Variants in FNIP1 observed in about 807,000 individuals in gnomAD.
FNIP1 encodes the protein folliculin interacting protein 1.
A neutral mutation model predicts 124.5 loss-of-function variants in FNIP1; 40 were observed. That is an observed-to-expected ratio of 0.32 (90% CI 0.25 to 0.42). The LOEUF (loss-of-function observed/expected upper bound fraction) is 0.42. Among genes scored for constraint, FNIP1 ranks in the 10% least tolerant of loss-of-function variants. The pLI, the probability that FNIP1 is intolerant of heterozygous loss-of-function variation, is 1.00. For synonymous variants in FNIP1, 472 were observed against 470.6 expected (o/e 1.00, Z -0.04); for missense variants, 1,176 against 1,403.7 (o/e 0.84, Z 2.59).
At chr5:131,708,418 T>A (rs537861996) in intron 8 of FNIP1, among the ~76,000 whole-genome samples, 15 of 152,340 alleles carry the variant, frequency 9.8e-5, no homozygotes, top group African/African-American at 3.6e-4. Flanking sequence ...TCCTTTTACT[T>A]ATGCTGCTCT....
At chr5:131,647,763 C>A (rs1195119892) in intron 16 of FNIP1, among the ~76,000 whole-genome samples, 1 of 152,126 alleles carries the variant, frequency 6.6e-6, no homozygotes, top group African/African-American at 2.4e-5. Flanking sequence ...GTGTGAGCCA[C>A]CATGTCCAGC....
chr5:131,716,450 G>T, intron 6 of FNIP1, 115 bp downstream of exon 6: 1 of 596,284 alleles, frequency 1.7e-6, no homozygotes, highest in South Asian at 2.6e-5. Context: ...TCCACTTACA[G>T]TATTTGAAAT....
At chr5:131,715,041 TAA>T (rs1310641941) in intron 6 of FNIP1, among the ~76,000 whole-genome samples, 1 of 152,218 alleles carries the variant, frequency 6.6e-6, no homozygotes, top group Non-Finnish European at 1.5e-5. Context: ...GATTCACAAT[TAA>T]AAGAGTGCAA....
chr5:131,670,408 T>C, intron 15 of FNIP1, 55 bp downstream of exon 15: 1 of 1,443,880 alleles, frequency 6.9e-7, no homozygotes, highest in Non-Finnish European at 9.2e-7. Context: ...TTTTGGGTTC[T>C]GCTGCTTAAC....
chr5:131,687,959 C>T (rs1768336624), intron 11 of FNIP1, among the ~76,000 whole-genome samples: 1 of 152,196 alleles, frequency 6.6e-6, no homozygotes, highest in African/African-American at 2.4e-5. Context: ...GTCTGCCCTC[C>T]AAATAAAACT....
chr5:131,792,160 C>CT (rs1236842478), intron 1 of FNIP1, among the ~76,000 whole-genome samples: 18,745 of 137,172 alleles, frequency 0.14, 2,251 homozygotes, highest in African/African-American at 0.32. Flanking sequence ...ATAACTGGCA[C>CT]TTTTTTTTTT....
At chr5:131,648,034 G>A (rs910929150) in intron 16 of FNIP1, among the ~76,000 whole-genome samples, 1 of 151,760 alleles carries the variant, frequency 6.6e-6, no homozygotes, top group African/African-American at 2.4e-5. Flanking sequence ...CTGAAAGACT[G>A]AAAATTAAAA....
chr5:131,732,973 C>T (rs1291388566), intron 2 of FNIP1, among the ~76,000 whole-genome samples: 1 of 152,078 alleles, frequency 6.6e-6, no homozygotes, highest in Non-Finnish European at 1.5e-5. Context: ...ATGGAATGTT[C>T]TTCCATTTGT....
chr5:131,678,830 C>A (rs866522661), intron 12 of FNIP1, among the ~76,000 whole-genome samples, 199 bp downstream of exon 12: 3 of 152,004 alleles, frequency 2.0e-5, no homozygotes, highest in Non-Finnish European at 4.4e-5. Context: ...TACATAATTA[C>A]AGACATTTTC....
At chr5:131,748,971 C>A (rs1770777893) in intron 1 of FNIP1, among the ~76,000 whole-genome samples, 1 of 151,764 alleles carries the variant, frequency 6.6e-6, no homozygotes, top group South Asian at 2.1e-4. Context: ...TGTAGGCCTA[C>A]GTTAATGGTG....
At chr5:131,783,965 G>A (rs1405613693) in intron 1 of FNIP1, among the ~76,000 whole-genome samples, 1 of 150,886 alleles carries the variant, frequency 6.6e-6, no homozygotes, top group Non-Finnish European at 1.5e-5. Flanking sequence ...AATCCAAAGA[G>A]GAAGAAGCCA....
intron 1 of FNIP1, among the ~76,000 whole-genome samples, chr5:131,766,433 T>A (rs1448640689): frequency 1.3e-5 from 2 of 152,140 alleles, no homozygotes; most frequent in Non-Finnish European, 2.9e-5. Flanking sequence ...CAATCTACAA[T>A]TCAGTTGAAT....
chr5:131,693,319 CAT>C (rs1339116049), intron 11 of FNIP1, among the ~76,000 whole-genome samples: 5 of 41,626 alleles, frequency 1.2e-4, no homozygotes, highest in South Asian at 8.2e-4. Flanking sequence ...TATATATACA[CAT>C]ATATATATAT....
chr5:131,720,467 G>A (rs1371836136), intron 3 of FNIP1, among the ~76,000 whole-genome samples: 1 of 151,916 alleles, frequency 6.6e-6, no homozygotes, highest in Non-Finnish European at 1.5e-5. Context: ...CCAAAGCACA[G>A]GTAACAACAG....
Position 131,731,029 on chromosome 5 carries a change from T to G in FNIP1, c.229A>C (p.Ser77Arg), listed in dbSNP as rs1770069952. The change falls in exon 3 of 18, where the codon AGT becomes CGT. Residue 77 changes from serine to arginine, a missense_variant. Around this residue, in one of 2 missense-constraint regions of FNIP1, gnomAD observed 1,109 missense variants for 1,288.5 expected, o/e 0.86. Coordinates refer to ENST00000510461, the MANE Select transcript of FNIP1 (RefSeq NM_133372.3). ...CCAAAGACTTTAACTTGAGCATCAC[T>G]GCCGAGTTTCTGAAATAACAGATAT... ...NEDISVSKLGSDAQVKVFGKC... is the reference protein window; with the variant it reads ...NEDISVSKLGRDAQVKVFGKC... 6.2e-7 allele frequency: 1 copy of G among 1,606,878 alleles called. No individual in the cohort carries two copies. The highest frequency in any genetic ancestry group is 8.5e-7 in the Non-Finnish European group (1 of 1,178,184).
intron 2 of FNIP1, among the ~76,000 whole-genome samples, chr5:131,734,484 T>G (rs7732948): frequency 1.3e-5 from 2 of 152,008 alleles, no homozygotes; most frequent in African/African-American, 2.4e-5. Context: ...CTAAAGAGAT[T>G]TGGCACAGCA....
At chr5:131,733,705 T>C (rs1465573605) in intron 2 of FNIP1, among the ~76,000 whole-genome samples, 1 of 152,224 alleles carries the variant, frequency 6.6e-6, no homozygotes, top group East Asian at 1.9e-4. Context: ...GATAAGCTTT[T>C]TGATGTGCTG....
Position 131,651,719 on chromosome 5 carries a change from C to T in FNIP1, c.3306+83G>A, listed in dbSNP as rs188737466. On this transcript the variant is annotated intron_variant, in intron 16 of 17. Coordinates refer to ENST00000510461, the MANE Select transcript of FNIP1 (RefSeq NM_133372.3). ...GGGTAATGACACAAACATTCAGTCC[C>T]TAACAGCTTTTTTTCAGAAAAAACA... 1.6e-3 allele frequency: 2,209 copies of T among 1,343,914 alleles called. 4 individuals are homozygous for T. Among genetic ancestry groups the T allele is most frequent in the Non-Finnish European group, 1.9e-3 (1,868 of 974,366 alleles). 83.2% of individuals were successfully genotyped at this position (1,343,914 alleles called of 1,614,324 possible).
chr5:131,777,501 T>C (rs543336857), intron 1 of FNIP1, among the ~76,000 whole-genome samples: 6 of 152,152 alleles, frequency 3.9e-5, no homozygotes, highest in African/African-American at 1.4e-4. Context: ...GGTGCCCATC[T>C]AAAAGGGTCC....
Sources: gnomAD v4.1 joint callset for allele counts (sites outside exome capture counted in the v4.1 genomes callset) on GRCh38, gnomAD v4.1.1 for gene constraint, gnomAD v4.1.1 regional missense constraint, MANE v1.5 for transcripts, NCBI Gene and HGNC (gene_info 2026-07-23, HGNC 2026-07-21) for gene names.